CYRIA: variants seen among roughly 807,000 people sequenced by gnomAD.
CYRIA encodes the protein CYFIP-related Rac1 interactor A.
In CYRIA, 15 loss-of-function variants were observed where a neutral mutation model predicts 43.9. The observed-to-expected ratio is 0.34, with a 90% CI of 0.23 to 0.53. CYRIA has a LOEUF of 0.53. CYRIA is among the 20% of genes least tolerant of loss of function. The probability of loss-of-function intolerance (pLI) is 0.94; values close to 1 mark genes in which losing one functional copy is unlikely to be tolerated. For synonymous variants in CYRIA, 117 were observed against 136.0 expected (o/e 0.86, Z 0.97); for missense variants, 236 against 394.2 (o/e 0.60, Z 3.40).
chr2:16,635,729 G>A (rs1281364149), intron 1 of CYRIA, among the ~76,000 whole-genome samples: 1 of 152,140 alleles, frequency 6.6e-6, no homozygotes, highest in East Asian at 1.9e-4. Context: ...CCAGAGCCGC[G>A]ATGGTCAGAA....
chr2:16,635,807 C>T (rs1276237314), intron 1 of CYRIA, among the ~76,000 whole-genome samples: 2 of 152,208 alleles, frequency 1.3e-5, no homozygotes, highest in Admixed American at 6.5e-5. Context: ...TTTTCAAAGG[C>T]TCCTCTGGGG....
intron 3 of CYRIA, among the ~76,000 whole-genome samples, chr2:16,573,325 A>C (rs1302643186): frequency 1.3e-5 from 2 of 152,192 alleles, no homozygotes; most frequent in African/African-American, 4.8e-5. Flanking sequence ...AGTGTCTCAG[A>C]CAGTTGGTGA....
At chr2:16,629,192 G>T (rs1047073361) in intron 1 of CYRIA, among the ~76,000 whole-genome samples, 7 of 152,170 alleles carry the variant, frequency 4.6e-5, no homozygotes, top group African/African-American at 9.7e-5. Context: ...GTCCTCAGGG[G>T]ACAGGCGCAT....
chr2:16,634,923 T>C (rs1265341002), intron 1 of CYRIA, among the ~76,000 whole-genome samples: 1 of 152,246 alleles, frequency 6.6e-6, no homozygotes, highest in East Asian at 1.9e-4. Flanking sequence ...GATAATTGGT[T>C]ATTAAGCATT....
chr2:16,576,379 C>G (rs1268733169), intron 3 of CYRIA, among the ~76,000 whole-genome samples: 1 of 152,090 alleles, frequency 6.6e-6, no homozygotes, highest in Non-Finnish European at 1.5e-5. Context: ...GCAGTGAGAG[C>G]TAAATGGCAT....
chr2:16,573,816 T>C (rs1157454165), intron 3 of CYRIA, among the ~76,000 whole-genome samples: 1 of 152,218 alleles, frequency 6.6e-6, no homozygotes, highest in Non-Finnish European at 1.5e-5. Flanking sequence ...GAACTGTAAG[T>C]CCATTAAACC....
At chr2:16,602,890 AT>A (rs1056074904) in intron 2 of CYRIA, among the ~76,000 whole-genome samples, 69 of 148,720 alleles carry the variant, frequency 4.6e-4, no homozygotes, top group East Asian at 2.2e-3. Context: ...GTCCAGAATA[AT>A]TTTTTTTTTT....
rs374696147 is a variant in CYRIA at position 16,624,605 on chromosome 2, GTC to G, written c.-166-588_-166-587del. 7.6e-4 allele frequency among the ~76,000 whole-genome samples: 114 copies of G among 149,172 alleles called. No homozygotes were observed. The South Asian group carries it at 8.4e-3, about 11-fold the overall frequency. Reference sequence around the variant, plus strand: ...CAGTGAGAAGCATATGTGGGCCCAGGTCTCTCTCTCTCTCTCTCTTTCTGTCC... The same window carrying G: ...CAGTGAGAAGCATATGTGGGCCCAGGTCTCTCTCTCTCTCTCTTTCTGTCC... On this transcript the variant is annotated intron_variant, in intron 1 of 11. Transcript: ENST00000381323.
At chr2:16,616,087 G>A (rs1668777459) in intron 2 of CYRIA, among the ~76,000 whole-genome samples, 1 of 152,196 alleles carries the variant, frequency 6.6e-6, no homozygotes, top group South Asian at 2.1e-4. Flanking sequence ...CCCTCAAGGG[G>A]ACGAGGCCAG....
intron 3 of CYRIA, among the ~76,000 whole-genome samples, chr2:16,578,842 A>G (rs1667446914): frequency 6.6e-6 from 1 of 152,156 alleles, no homozygotes; most frequent in Non-Finnish European, 1.5e-5. Context: ...AGAAAACAGA[A>G]AAAGACATTT....
chr2:16,624,455 A>G (rs1669095311), intron 1 of CYRIA, among the ~76,000 whole-genome samples: 1 of 152,226 alleles, frequency 6.6e-6, no homozygotes, highest in African/African-American at 2.4e-5. Flanking sequence ...GAGCTAAATT[A>G]GTAAAACAGC....
chr2:16,648,754 A>G (rs766505917), intron 1 of CYRIA, among the ~76,000 whole-genome samples: 3 of 152,186 alleles, frequency 2.0e-5, no homozygotes, highest in Non-Finnish European at 4.4e-5. Flanking sequence ...AATATCTACT[A>G]TATATCAAGA....
At chr2:16,557,474 T>C (rs1217762431) in intron 10 of CYRIA, among the ~76,000 whole-genome samples, 1 of 152,070 alleles carries the variant, frequency 6.6e-6, no homozygotes, top group Non-Finnish European at 1.5e-5. Context: ...CCTAATGATT[T>C]ACGAGCCCAG....
chr2:16,571,434 C>T lies in CYRIA; in HGVS notation c.71-5667G>A, dbSNP rs527521685. Among the ~76,000 whole-genome samples, 14 of 152,286 alleles carry T rather than the reference C, an allele frequency of 9.2e-5. No homozygotes were observed. The South Asian group carries it at 1.9e-3, about 20-fold the overall frequency. ...TCTTCGGTGAACCTGCCACAGGGCA[C>T]GACAGCAGGGCTTGCACTGGAGAAG... On this transcript the variant is annotated intron_variant, in intron 3 of 11. Transcript: ENST00000381323.
chr2:16,572,875 C>T (rs1667191605), intron 3 of CYRIA, among the ~76,000 whole-genome samples: 2 of 152,128 alleles, frequency 1.3e-5, no homozygotes, highest in African/African-American at 4.8e-5. Context: ...GCTAGCATAT[C>T]ACTTACTCTC....
intron 2 of CYRIA, among the ~76,000 whole-genome samples, chr2:16,588,348 C>A (rs1194973598): frequency 6.6e-6 from 1 of 151,700 alleles, no homozygotes; most frequent in East Asian, 1.9e-4. Context: ...GTGGCCTAAG[C>A]CATAAAAATT....
intron 10 of CYRIA, among the ~76,000 whole-genome samples, chr2:16,558,709 T>C (rs558226835): frequency 1.3e-5 from 2 of 152,272 alleles, no homozygotes; most frequent in East Asian, 3.9e-4. Context: ...ACAGCGTGTC[T>C]GTTGAGTTCC....
intron 2 of CYRIA, among the ~76,000 whole-genome samples, chr2:16,592,107 G>A (rs1034425643): frequency 5.3e-5 from 8 of 152,028 alleles, no homozygotes; most frequent in East Asian, 3.9e-4. Context: ...AATCTGAAAC[G>A]CTCCAAAATC....
chr2:16,658,160 G>A (rs1670165633), intron 1 of CYRIA, among the ~76,000 whole-genome samples: 1 of 152,162 alleles, frequency 6.6e-6, no homozygotes, highest in South Asian at 2.1e-4. Flanking sequence ...TACAATCTAG[G>A]AAATAATGTG....
Sources: allele counts gnomAD v4.1 joint callset (sites outside exome capture counted in the v4.1 genomes callset), GRCh38; gene constraint gnomAD v4.1.1; transcripts MANE v1.5; gene names NCBI Gene and HGNC (gene_info 2026-07-23, HGNC 2026-07-21).